MICU2: variants seen among roughly 807,000 people sequenced by gnomAD.
MICU2 encodes the protein mitochondrial calcium uptake 2.
Under a neutral mutation model 60.4 loss-of-function variants are expected in MICU2, and 64 were observed. That is an observed-to-expected ratio of 1.06 (90% CI 0.87 to 1.31). MICU2 has a LOEUF of 1.31. MICU2 is among the 50% of genes most tolerant of loss of function. The probability of loss-of-function intolerance (pLI) is 0.00; values close to 1 mark genes in which losing one functional copy is unlikely to be tolerated. For missense variants in MICU2, 569 were observed against 531.0 expected (o/e 1.07, Z -0.70); for synonymous variants, 201 against 175.0 (o/e 1.15, Z -1.17).
chr13:21,525,841 C>T (rs773388954), intron 4 of MICU2, among the ~76,000 whole-genome samples: 9 of 151,570 alleles, frequency 5.9e-5, no homozygotes, highest in Non-Finnish European at 2.9e-5. Flanking sequence ...TATTTTCTCC[C>T]ATTTGTGGGT....
chr13:21,526,416 T>C (rs965490614), intron 4 of MICU2, among the ~76,000 whole-genome samples: 3 of 152,136 alleles, frequency 2.0e-5, no homozygotes, highest in African/African-American at 7.2e-5. Context: ...ATTTCACATG[T>C]TCCTCTACCT....
intron 5 of MICU2, among the ~76,000 whole-genome samples, chr13:21,521,961 T>G (rs1203905714): frequency 2.6e-5 from 4 of 152,206 alleles, no homozygotes. Context: ...ATTTTTTTTG[T>G]AGAGATGGGG....
intron 9 of MICU2, among the ~76,000 whole-genome samples, chr13:21,498,807 G>C (rs1183838938): frequency 8.1e-6 from 1 of 123,822 alleles, no homozygotes; most frequent in African/African-American, 2.7e-5. Flanking sequence ...CAAGATGATA[G>C]AGAGGGAAAA....
At chr13:21,527,316 G>C (rs1490444524) in intron 4 of MICU2, among the ~76,000 whole-genome samples, 4 of 152,110 alleles carry the variant, frequency 2.6e-5, no homozygotes, top group Non-Finnish European at 4.4e-5. Flanking sequence ...GAAAAAAATG[G>C]CCAAACCTCT....
intron 1 of MICU2, among the ~76,000 whole-genome samples, chr13:21,594,609 C>G (rs71236105): frequency 3.3e-5 from 5 of 152,130 alleles, no homozygotes; most frequent in African/African-American, 1.2e-4. Context: ...TTTACAATAG[C>G]AAAGACATGG....
In MICU2 at chr13:21,539,356, C is replaced by T. The variant is rs1402126631; in HGVS notation, c.412G>A (p.Gly138Arg). The stretch of plus-strand genomic sequence containing the variant: ...GATCCACAGCCAGCTGTTTGGATCC[C>T]TGACAGTGTATCCTCGATGTCCTTT... ...TKKDIEDTLSGIQTAGCGSTF... is the reference protein window; with the variant it reads ...TKKDIEDTLSRIQTAGCGSTF... Residue 138 changes from glycine (G) to arginine (R), a missense_variant, in exon 4 of 12, where the codon GGG (glycine) becomes AGG (arginine). Physicochemically the swap from Gly to Arg is moderately radical, Grantham distance 125 (BLOSUM62 -2). Transcript: ENST00000382374. The T allele has an allele frequency of 2.3e-5, 37 of 1,613,892 alleles. No individual in the cohort carries two copies. The highest frequency in any genetic ancestry group is 3.0e-5 in the Non-Finnish European group (35 of 1,179,964).
At chr13:21,507,497 G>T (rs1886317655) in intron 8 of MICU2, among the ~76,000 whole-genome samples, 1 of 152,194 alleles carries the variant, frequency 6.6e-6, no homozygotes, top group Non-Finnish European at 1.5e-5. Context: ...AAGAGGTATG[G>T]TTTAAAATTT....
chr13:21,564,353 A>G (rs1378195228), intron 2 of MICU2, among the ~76,000 whole-genome samples: 1 of 152,130 alleles, frequency 6.6e-6, no homozygotes, highest in Non-Finnish European at 1.5e-5. Flanking sequence ...ACAGAGGCTA[A>G]AATTTCCTCT....
chr13:21,508,204 C>G lies in MICU2; in HGVS notation c.761+1800G>C, dbSNP rs538511044. Among the ~76,000 whole-genome samples, 3 of 151,746 alleles carry G rather than the reference C, an allele frequency of 2.0e-5. No homozygotes were observed. In the South Asian group the frequency reaches 6.3e-4, roughly 32 times the overall value. ...GCAGTGGCACGATCCTGGCTCACTACAAGATCTGCCTCCCGGGTTCACACC... is the reference window on the plus strand; with the variant it reads ...GCAGTGGCACGATCCTGGCTCACTAGAAGATCTGCCTCCCGGGTTCACACC... On this transcript the variant is annotated intron_variant, in intron 8 of 11. Transcript: ENST00000382374.
chr13:21,540,558 A>T (rs1269147218), intron 2 of MICU2, among the ~76,000 whole-genome samples: 1 of 152,142 alleles, frequency 6.6e-6, no homozygotes, highest in Non-Finnish European at 1.5e-5. Context: ...TTGGACGATA[A>T]ATCTACAAGG....
At chr13:21,496,494 A>G in intron 9 of MICU2, 1 of 269,996 alleles carries the variant, frequency 3.7e-6, no homozygotes, top group Non-Finnish European at 7.1e-6. Context: ...GGCAGCTTGA[A>G]GAGACTAACA....
Position 21,544,540 on chromosome 13 carries a change from T to C in MICU2, c.359-4852A>G, listed in dbSNP as rs181237779. Reference sequence around the variant, plus strand: ...TGAAAAAAAAAAAAAAAAAACTCAATACCACTGATCATCAGGGAAATGCAA... The same window carrying C: ...TGAAAAAAAAAAAAAAAAAACTCAACACCACTGATCATCAGGGAAATGCAA... On this transcript the variant is annotated intron_variant, in intron 2 of 11. Transcript: ENST00000382374. 1.6e-3 allele frequency among the ~76,000 whole-genome samples: 154 copies of C among 98,080 alleles called. 3 individuals are homozygous for C. Among genetic ancestry groups the C allele is most frequent in the African/African-American group, 5.6e-3 (148 of 26,474 alleles). 64.3% of individuals were successfully genotyped at this position (98,080 alleles called of 152,430 possible).
chr13:21,553,985 T>C (rs1220985199), intron 2 of MICU2, among the ~76,000 whole-genome samples: 1 of 152,176 alleles, frequency 6.6e-6, no homozygotes, highest in Admixed American at 6.5e-5. Context: ...GAACTAACTA[T>C]CCTAAATATA....
intron 2 of MICU2, among the ~76,000 whole-genome samples, chr13:21,556,363 T>C (rs1887708954): frequency 6.6e-6 from 1 of 152,156 alleles, no homozygotes; most frequent in African/African-American, 2.4e-5. Flanking sequence ...AGCTGCTCCT[T>C]CTCTGGGTTT....
At chr13:21,532,947 A>T (rs1451277264) in intron 4 of MICU2, among the ~76,000 whole-genome samples, 3 of 152,200 alleles carry the variant, frequency 2.0e-5, no homozygotes, top group Admixed American at 6.5e-5. Context: ...ATAAGGTAGG[A>T]ATAAGGTAGA....
chr13:21,566,855 T>C lies in MICU2; in HGVS notation c.300A>G (p.Gly100=). 6.2e-7 allele frequency: 1 copy of C among 1,612,994 alleles called. No individual in the cohort carries two copies. The highest frequency in any genetic ancestry group is 1.3e-5 in the African/African-American group (1 of 74,990). The part of the protein sequence containing the change: ...FMQFSSLEHE[G]EYYMTPRDFL... ...AGTCTCGTGGTGTCATATAATATTC[T>C]CCTTCATGTTCGAGTGAAGAAAACT... The change falls in exon 2 of 12, where the codon GGA becomes GGG. Residue 100 remains glycine (G), a synonymous_variant. Transcript: ENST00000382374.
At position 21,493,125 on chromosome 13, in the gene MICU2, C is replaced by CTCTT. The variant is rs1885901123; in HGVS notation, c.*123_*124insAAGA. The CTCTT allele has an allele frequency of 1.9e-6, 1 of 513,304 alleles. No individual in the cohort carries two copies. The highest frequency in any genetic ancestry group is 4.1e-5 in the Admixed American group (1 of 24,464). The allele number at this position is 513,304 out of a possible 1,614,324, so 31.8% of individuals were successfully genotyped here. The stretch of plus-strand genomic sequence containing the variant: ...AAAATTATGAATCAGAAAGCAAGTA[C>CTCTT]AAGACATGCTTATTTCACACAGAAT... On this transcript the variant is annotated 3_prime_UTR_variant, in exon 12 of 12. Coordinates refer to ENST00000382374, the MANE Select transcript of MICU2 (RefSeq NM_152726.3).
At chr13:21,529,657 CAG>C (rs1341617398) in intron 4 of MICU2, among the ~76,000 whole-genome samples, 1 of 152,222 alleles carries the variant, frequency 6.6e-6, no homozygotes, top group African/African-American at 2.4e-5. Context: ...GCCTAATTAA[CAG>C]ATCTTTCGTT....
At chr13:21,588,720 G>C (rs189025465) in intron 1 of MICU2, among the ~76,000 whole-genome samples, 1 of 152,258 alleles carries the variant, frequency 6.6e-6, no homozygotes, top group Admixed American at 6.5e-5. Flanking sequence ...TAGTCCAGTT[G>C]GCTATCCCTT....
Sources: allele counts gnomAD v4.1 joint callset (sites outside exome capture counted in the v4.1 genomes callset), GRCh38; gene constraint gnomAD v4.1.1; transcripts MANE v1.5; gene names NCBI Gene and HGNC (gene_info 2026-07-23, HGNC 2026-07-21).